CELF2: variants seen among roughly 807,000 people sequenced by gnomAD.
The protein encoded by CELF2 is CUGBP Elav-like family member 2, also known as CUG triplet repeat RNA-binding protein 2.
CELF2 carries 8 observed loss-of-function variants against 62.6 expected under a neutral mutation model. The observed-to-expected ratio is 0.13, with a 90% confidence interval of 0.07 to 0.23. The LOEUF (loss-of-function observed/expected upper bound fraction) is 0.23. Among genes scored for constraint, CELF2 ranks in the 10% least tolerant of loss-of-function variants. The probability of loss-of-function intolerance (pLI) is 1.00; values close to 1 mark genes in which losing one functional copy is unlikely to be tolerated. For missense variants in CELF2, 333 were observed against 671.0 expected (o/e 0.50, Z 5.56); for synonymous variants, 258 against 250.0 (o/e 1.03, Z -0.30).
At chr10:11,033,678 C>A (rs576691696) in intron 1 of CELF2, among the ~76,000 whole-genome samples, 17 of 152,288 alleles carry the variant, frequency 1.1e-4, no homozygotes, top group African/African-American at 4.1e-4. Context: ...AGACTAGAAC[C>A]AAAGTAAATT....
chr10:11,312,606 A>C lies in CELF2; in HGVS notation c.977-1533A>C, dbSNP rs184945163. On this transcript the variant is annotated intron_variant, in intron 9 of 12. Coordinates refer to ENST00000633077, the MANE Select transcript of CELF2 (RefSeq NM_001326342.2). The stretch of plus-strand genomic sequence containing the variant: ...ATATGAAAGAGTAGGAATACTATGC[A>C]TGACTTCCAAAGTAGTAGAGAGGGG... Among the ~76,000 whole-genome samples the C allele has an allele frequency of 1.9e-3, 295 of 152,340 alleles. 1 individual carries two copies. The highest frequency in any genetic ancestry group is 6.3e-3 in the African/African-American group (263 of 41,586).
intron 9 of CELF2, among the ~76,000 whole-genome samples, chr10:11,308,924 GAAAT>G (rs1171795160): frequency 6.6e-6 from 1 of 152,156 alleles, no homozygotes; most frequent in Non-Finnish European, 1.5e-5. Flanking sequence ...AATGTTGAAA[GAAAT>G]AGATTTACTT....
chr10:10,917,211 G>A (rs2064424622), intron 1 of CELF2, among the ~76,000 whole-genome samples: 1 of 152,172 alleles, frequency 6.6e-6, no homozygotes, highest in Non-Finnish European at 1.5e-5. Context: ...CCAAAGCAAA[G>A]CAGGTGCTCT....
At chr10:10,940,827 A>C (rs1191059703) in intron 2 of CELF2, among the ~76,000 whole-genome samples, 1 of 152,120 alleles carries the variant, frequency 6.6e-6, no homozygotes, top group Admixed American at 6.5e-5. Flanking sequence ...TTCCTTCCAA[A>C]AATATATATG....
the CELF2 span, among the ~76,000 whole-genome samples, chr10:10,549,989 C>G: frequency 1.3e-5 from 2 of 152,180 alleles, no homozygotes; most frequent in African/African-American, 2.4e-5. Flanking sequence ...AAACACCATA[C>G]ACATTTGACC....
chr10:10,640,928 T>A, the CELF2 span, among the ~76,000 whole-genome samples: 1 of 152,166 alleles, frequency 6.6e-6, no homozygotes, highest in Non-Finnish European at 1.5e-5. Context: ...TCACCTCATC[T>A]CATCTGCTTG....
chr10:10,918,164 G>A (rs772786181), intron 1 of CELF2, among the ~76,000 whole-genome samples: 20 of 152,258 alleles, frequency 1.3e-4, no homozygotes, highest in Non-Finnish European at 2.5e-4. Flanking sequence ...AAAGATAAAG[G>A]ATAAAACAGA....
chr10:10,618,950 AT>A, the CELF2 span, among the ~76,000 whole-genome samples: 1 of 152,194 alleles, frequency 6.6e-6, no homozygotes, highest in Non-Finnish European at 1.5e-5. Context: ...TGCTGTTTGC[AT>A]AGCATGTGAA....
chr10:11,234,245 C>T (rs1198217745), intron 3 of CELF2, among the ~76,000 whole-genome samples: 2 of 152,212 alleles, frequency 1.3e-5, no homozygotes, highest in Non-Finnish European at 2.9e-5. Flanking sequence ...TGCTCCTGTT[C>T]TGAGCTCCAA....
intron 1 of CELF2, among the ~76,000 whole-genome samples, chr10:11,104,718 A>G (rs541352592): frequency 6.6e-6 from 1 of 152,260 alleles, no homozygotes; most frequent in Non-Finnish European, 1.5e-5. Context: ...ACTAAGAAAA[A>G]TGTTCACTAA....
the CELF2 span, among the ~76,000 whole-genome samples, chr10:10,639,951 C>A: frequency 6.6e-6 from 1 of 152,150 alleles, no homozygotes; most frequent in African/African-American, 2.4e-5. Context: ...ACCTTCCTGT[C>A]CTTGTGTGTC....
In CELF2 at chr10:11,255,026, C is replaced by T. The variant is rs1336818360; in HGVS notation, c.404-2712C>T. Among the ~76,000 whole-genome samples the T allele has an allele frequency of 3.9e-5, 6 of 152,160 alleles. No individual in the cohort carries two copies. The highest frequency in any genetic ancestry group is 3.3e-4 in the Admixed American group (5 of 15,278). The stretch of plus-strand genomic sequence containing the variant: ...TAGTGAGCACAGGCGGTGTAGACGG[C>T]CTGCAGCAGGTGGTGTGGACGGCCT... On this transcript the variant is annotated intron_variant, in intron 4 of 12. Coordinates refer to ENST00000633077, the MANE Select transcript of CELF2 (RefSeq NM_001326342.2). The surrounding 1 kb of genome is among the most constrained non-coding windows in gnomAD (Gnocchi z 5.5).
chr10:10,540,033 C>T, the CELF2 span, among the ~76,000 whole-genome samples: 1,141 of 152,206 alleles, frequency 7.5e-3, 6 homozygotes, highest in African/African-American at 0.026. Context: ...TTTTTTAAAC[C>T]CCAGCTCTTT....
intron 4 of CELF2, among the ~76,000 whole-genome samples, chr10:11,253,017 G>C (rs1255385449): frequency 6.6e-6 from 1 of 151,914 alleles, no homozygotes; most frequent in East Asian, 1.9e-4. Flanking sequence ...CTCTATTGCT[G>C]TGCCCAACGA....
At chr10:11,003,380 C>T (rs1217524459), upstream of CELF2, among the ~76,000 whole-genome samples, 1 of 152,162 alleles carries the variant, frequency 6.6e-6, no homozygotes, top group Non-Finnish European at 1.5e-5. This position sits in a 1 kb window ranked among gnomAD's most constrained non-coding sequence, Gnocchi z 4.4. Context: ...GTGCTTGCTT[C>T]ATAGTTTAGC....
At chr10:11,323,145 A>C (rs1400676935) in intron 11 of CELF2, among the ~76,000 whole-genome samples, 1 of 152,156 alleles carries the variant, frequency 6.6e-6, no homozygotes, top group East Asian at 1.9e-4. Flanking sequence ...CTGGAGTTTT[A>C]GGGGTTACTG....
At chr10:11,192,213 A>G (rs1424556158) in intron 2 of CELF2, among the ~76,000 whole-genome samples, 5 of 152,180 alleles carry the variant, frequency 3.3e-5, no homozygotes, top group South Asian at 2.1e-4. Flanking sequence ...GCCCCAAAAT[A>G]CTTCAAGAGG....
At chr10:11,289,594 G>A (rs2139689419) in intron 9 of CELF2, among the ~76,000 whole-genome samples, 1 of 152,344 alleles carries the variant, frequency 6.6e-6, no homozygotes, top group South Asian at 2.1e-4. Flanking sequence ...TCTGAGAGAT[G>A]TTTAGGAGAA....
the CELF2 span, among the ~76,000 whole-genome samples, chr10:10,655,744 C>T: frequency 2.5e-3 from 328 of 132,266 alleles, 3 homozygotes; most frequent in African/African-American, 8.3e-3. Flanking sequence ...AAGACTTAAA[C>T]GTTAGACCTA....
Sources: allele counts gnomAD v4.1 joint callset (sites outside exome capture counted in the v4.1 genomes callset), GRCh38; gene constraint gnomAD v4.1.1; non-coding constraint Gnocchi (gnomAD v3.1); transcripts MANE v1.5; gene names NCBI Gene and HGNC (gene_info 2026-07-23, HGNC 2026-07-21).